Variants in FMNL2 observed in about 807,000 individuals in gnomAD.
The protein encoded by FMNL2 is formin-like protein 2.
A neutral mutation model predicts 130.2 loss-of-function variants in FMNL2; 51 were observed. The observed-to-expected ratio is 0.39, with a 90% CI of 0.31 to 0.49. FMNL2 has a LOEUF of 0.49. FMNL2 is among the 20% of genes least tolerant of loss of function. The probability of loss-of-function intolerance (pLI) is 0.85; values close to 1 mark genes in which losing one functional copy is unlikely to be tolerated. For synonymous variants in FMNL2, 465 were observed against 467.1 expected, an observed-to-expected ratio of 1.00 and a Z score of 0.06; for missense variants, 977 against 1,316.2, an observed-to-expected ratio of 0.74 and a Z score of 3.99.
intron 1 of FMNL2, among the ~76,000 whole-genome samples, chr2:152,497,212 T>C (rs558472540): frequency 1.8e-4 from 27 of 152,332 alleles, no homozygotes; most frequent in African/African-American, 6.0e-4. Flanking sequence ...CCACAATGTG[T>C]TTACTTATTT....
At chr2:152,401,353 C>A (rs1346018730) in intron 1 of FMNL2, among the ~76,000 whole-genome samples, 1 of 152,176 alleles carries the variant, frequency 6.6e-6, no homozygotes, top group Non-Finnish European at 1.5e-5. Context: ...GACATCTCAC[C>A]CCTCCAAATG....
intron 1 of FMNL2, among the ~76,000 whole-genome samples, chr2:152,417,381 C>A (rs1051764699): frequency 2.0e-5 from 3 of 152,146 alleles, no homozygotes; most frequent in African/African-American, 7.2e-5. Context: ...AGAGAAAATT[C>A]CTTGGCTTTC....
rs1165563279 is a variant in FMNL2, at chr2:152,607,012, T to TG, written c.877-327_877-326insG. The stretch of plus-strand genomic sequence containing the variant: ...ATGGTCGTTTTTTTTTTTTGTTTTT[T>TG]TTTTTTTTTTTTACCATGACTGCAT... On this transcript the variant is annotated intron_variant, in intron 9 of 25. Transcript: ENST00000288670. Among the ~76,000 whole-genome samples, 1,314 of 132,970 alleles carry TG rather than the reference T, an allele frequency of 9.9e-3. 15 individuals carry two copies. The highest frequency in any genetic ancestry group is 0.033 in the African/African-American group (1,258 of 37,554). 87.2% of individuals were successfully genotyped at this position (132,970 alleles called of 152,430 possible).
chr2:152,589,963 A>ATGTATG (rs1296737501), intron 9 of FMNL2, among the ~76,000 whole-genome samples: 2 of 31,784 alleles, frequency 6.3e-5, no homozygotes, highest in Non-Finnish European at 6.5e-5. Context: ...ATATATATAT[A>ATGTATG]TATATATATA....
At chr2:152,511,637 G>GTA (rs1293417608) in intron 1 of FMNL2, among the ~76,000 whole-genome samples, 1 of 152,166 alleles carries the variant, frequency 6.6e-6, no homozygotes, top group African/African-American at 2.4e-5. Flanking sequence ...GTATGAGGCT[G>GTA]TAACCTGGGC....
intron 9 of FMNL2, among the ~76,000 whole-genome samples, chr2:152,602,801 C>A (rs1010758623): frequency 6.6e-6 from 1 of 152,166 alleles, no homozygotes; most frequent in African/African-American, 2.4e-5. Context: ...CATTCCCATG[C>A]AGGCCAATGC....
Position 152,396,945 on chromosome 2 carries a change from A to G in FMNL2, c.117+61225A>G, listed in dbSNP as rs192892185. 7.4e-4 allele frequency among the ~76,000 whole-genome samples: 112 copies of G among 152,332 alleles called. 2 individuals are homozygous for G. Among genetic ancestry groups the G allele is most frequent in the East Asian group, 2.3e-3 (12 of 5,184 alleles). On this transcript the variant is annotated intron_variant, in intron 1 of 25. Transcript: ENST00000288670. ...GTCTTGCTTAAAGAATCATAAGACTATGGAAGTGGAATGCACTTGGCATGT... is the reference window on the plus strand; with the variant it reads ...GTCTTGCTTAAAGAATCATAAGACTGTGGAAGTGGAATGCACTTGGCATGT...
chr2:152,540,030 C>T (rs372023625), intron 2 of FMNL2, among the ~76,000 whole-genome samples: 1 of 152,114 alleles, frequency 6.6e-6, no homozygotes. Flanking sequence ...GTCGAGGCTG[C>T]AGTGAGCTGT....
In FMNL2 at chr2:152,358,319, C is replaced by T. The variant is rs12151546; in HGVS notation, c.117+22599C>T. Among the ~76,000 whole-genome samples the T allele has an allele frequency of 2.0e-5, 3 of 152,072 alleles. No homozygotes were observed. The East Asian group carries it at 5.8e-4, about 29-fold the overall frequency. ...CCTTGCTCCTCAGTTTGCAGATGGC[C>T]TATTGTTGGACTTCACCTTGTGATC... On this transcript the variant is annotated intron_variant, in intron 1 of 25. Coordinates refer to ENST00000288670, the MANE Select transcript of FMNL2 (RefSeq NM_052905.4).
In FMNL2 at chr2:152,370,222, T is replaced by A. The variant is rs137931554; in HGVS notation, c.117+34502T>A. Among the ~76,000 whole-genome samples the A allele has an allele frequency of 1.4e-4, 22 of 152,288 alleles. No homozygotes were observed. The East Asian group carries it at 4.2e-3, about 29-fold the overall frequency. On this transcript the variant is annotated intron_variant, in intron 1 of 25. Coordinates refer to ENST00000288670, the MANE Select transcript of FMNL2 (RefSeq NM_052905.4). ...TTCAAGATCAGGGTGCCACCCAGTA[T>A]GGTTGGGCTCTGGTGAGTGGCTTAT...
intron 25 of FMNL2, chr2:152,645,575 C>G: frequency 8.7e-7 from 1 of 1,147,420 alleles, no homozygotes; most frequent in South Asian, 1.3e-5. Flanking sequence ...GTATGCAGAT[C>G]AATGGTTTTC....
intron 1 of FMNL2, among the ~76,000 whole-genome samples, chr2:152,477,961 G>GCTT (rs1295170296): frequency 1.3e-5 from 2 of 151,878 alleles, no homozygotes; most frequent in African/African-American, 4.8e-5. Context: ...GCTAAACCAA[G>GCTT]CTTCTGGCAC....
At chr2:152,544,076 A>T (rs899716975) in intron 3 of FMNL2, among the ~76,000 whole-genome samples, 2 of 152,126 alleles carry the variant, frequency 1.3e-5, no homozygotes, top group Non-Finnish European at 2.9e-5. Flanking sequence ...CCCTTTCCCT[A>T]AGAATGTGGC....
At chr2:152,544,800 G>A (rs1694526969) in intron 3 of FMNL2, among the ~76,000 whole-genome samples, 1 of 152,186 alleles carries the variant, frequency 6.6e-6, no homozygotes, top group African/African-American at 2.4e-5. Context: ...CATGGAGGAA[G>A]ATGCTTAGAA....
intron 1 of FMNL2, among the ~76,000 whole-genome samples, chr2:152,388,418 G>A (rs77905883): frequency 0.086 from 13,133 of 152,162 alleles, 809 homozygotes; most frequent in Admixed American, 0.21. Flanking sequence ...GCAGCAAGGA[G>A]AAGTATGAAC....
At chr2:152,477,837 C>T (rs781706723) in intron 1 of FMNL2, among the ~76,000 whole-genome samples, 2 of 152,006 alleles carry the variant, frequency 1.3e-5, no homozygotes, top group Non-Finnish European at 2.9e-5. Flanking sequence ...TTAGGTAATA[C>T]GTGGTGTATA....
At chr2:152,548,978 G>A (rs764010128) in intron 3 of FMNL2, 43 bp from the exon 4 acceptor site, 7 of 1,467,448 alleles carry the variant, frequency 4.8e-6, no homozygotes, top group Non-Finnish European at 6.5e-6. Context: ...AGTTATAGCA[G>A]TTGCTAAAAT....
chr2:152,555,216 G>A (rs973521543), intron 4 of FMNL2, among the ~76,000 whole-genome samples: 1 of 152,188 alleles, frequency 6.6e-6, no homozygotes. Context: ...CAGGCGCCCT[G>A]AGAGGGTTTC....
In FMNL2 at chr2:152,522,057, A is replaced by G. The variant is rs756877128; in HGVS notation, c.201+31A>G. 92 of 1,552,216 alleles carry G rather than the reference A, an allele frequency of 5.9e-5. 1 individual carries two copies. The highest frequency in any genetic ancestry group is 8.0e-5 in the Non-Finnish European group (91 of 1,133,498). On this transcript the variant is annotated intron_variant, in intron 2 of 25. Transcript: ENST00000288670. ...AAACAGTGACACTTTCTTTTATGAA[A>G]AAAGTAATGAAAGAAGAGATCCAGT...
Sources: gnomAD v4.1 joint callset for allele counts (sites outside exome capture counted in the v4.1 genomes callset) on GRCh38, gnomAD v4.1.1 for gene constraint, MANE v1.5 for transcripts, NCBI Gene and HGNC (gene_info 2026-07-23, HGNC 2026-07-21) for gene names.